FKBP1C: variants seen among roughly 807,000 people sequenced by gnomAD.
FKBP1C encodes peptidyl-prolyl cis-trans isomerase FKBP1C.
In FKBP1C, 7 loss-of-function variants were observed where a neutral mutation model predicts 7.1. The observed-to-expected ratio is 0.99, with a 90% CI of 0.56 to 1.86. The LOEUF (loss-of-function observed/expected upper bound fraction) is 1.86, where lower values mean the gene tolerates loss of function less well. FKBP1C is among the 40% of genes most tolerant of loss of function. The probability of loss-of-function intolerance (pLI) is 0.00; values close to 1 mark genes in which losing one functional copy is unlikely to be tolerated. For missense variants in FKBP1C, 159 were observed against 139.9 expected (o/e 1.14, Z -0.69); for synonymous variants, 56 against 51.2 (o/e 1.09, Z -0.40).
exon 1 of FKBP1C, chr6:63,211,546 C>G (rs746141523): frequency 1.7e-6 from 2 of 1,185,188 alleles, no homozygotes; most frequent in East Asian, 2.5e-5. Context: ...CGCTCGGCGT[C>G]GGCCGCCGCC....
exon 1 of FKBP1C, chr6:63,211,581 T>C: frequency 6.7e-7 from 1 of 1,498,794 alleles, no homozygotes; most frequent in South Asian, 1.1e-5. Context: ...GGAAACCATC[T>C]CCCCAGGAGA....
chr6:63,211,762 TG>T, the FKBP1C span: 6 of 1,613,892 alleles, frequency 3.7e-6, no homozygotes, highest in South Asian at 1.1e-5. Flanking sequence ...CAGATGAGTG[TG>T]GGTCAGAGAG....
rs953079446 is a variant in FKBP1C, at chr6:63,211,973, G to A, written c.*90G>A. 6 of 1,414,610 alleles carry A rather than the reference G, an allele frequency of 4.2e-6. No homozygotes were observed. In the African/African-American group the frequency reaches 8.4e-5, roughly 20 times the overall value. The allele number at this position is 1,414,610 out of a possible 1,614,324, so 87.6% of individuals were successfully genotyped here. A position where few individuals can be genotyped will look rare whatever the true frequency, so the allele number is the denominator to read the frequency against. On this transcript the variant is annotated 3_prime_UTR_variant, in exon 1 of 1. Coordinates refer to ENST00000370659, the Ensembl canonical transcript of FKBP1C. ...AGACGTGTGCACATAAATCCATATG[G>A]AGCTTTTCCTGATGTTCCACTCCAC...
rs144607988 is a variant in FKBP1C, at chr6:63,211,971, T to C, written c.*88T>C. ...CCAGACGTGTGCACATAAATCCATATGGAGCTTTTCCTGATGTTCCACTCC... is the reference window on the plus strand; with the variant it reads ...CCAGACGTGTGCACATAAATCCATACGGAGCTTTTCCTGATGTTCCACTCC... On this transcript the variant is annotated 3_prime_UTR_variant, in exon 1 of 1. Transcript: ENST00000370659. The C allele has an allele frequency of 1.8e-4, 262 of 1,422,984 alleles. 2 individuals carry two copies. In the Middle Eastern group the frequency reaches 2.2e-3, roughly 12 times the overall value. The allele number at this position is 1,422,984 out of a possible 1,614,324, so 88.1% of individuals were successfully genotyped here. A position where few individuals can be genotyped will look rare whatever the true frequency, so the allele number is the denominator to read the frequency against.
At chr6:63,212,005 T>C in exon 1 of FKBP1C, 6 of 1,164,344 alleles carry the variant, frequency 5.2e-6, no homozygotes, top group Middle Eastern at 2.8e-4. Flanking sequence ...CCACTTTGTA[T>C]AGACATCTGC....
At chr6:63,211,809 G>A (rs1561983968) in exon 1 of FKBP1C, 3 of 1,613,608 alleles carry the variant, frequency 1.9e-6, no homozygotes, top group South Asian at 2.2e-5. Context: ...TGCCTATGGT[G>A]CCACTGGGCA....
chr6:63,211,545 T>G, exon 1 of FKBP1C: 1 of 1,171,850 alleles, frequency 8.5e-7, no homozygotes, highest in Non-Finnish European at 1.3e-6. Context: ...CCGCTCGGCG[T>G]CGGCCGCCGC....
At chr6:63,212,295 T>C (rs746254274) in exon 1 of FKBP1C, 4 of 245,230 alleles carry the variant, frequency 1.6e-5, no homozygotes, top group Non-Finnish European at 3.4e-5. Context: ...ATTTTTTGGA[T>C]GAAATTTTTA....
exon 1 of FKBP1C, chr6:63,212,121 C>G (rs1766114070): frequency 9.9e-6 from 6 of 605,806 alleles, no homozygotes; most frequent in Non-Finnish European, 1.8e-5. Context: ...CCATAAACGT[C>G]AAGTTATTCA....
chr6:63,212,510 G>A (rs1173961933), exon 1 of FKBP1C: 1 of 137,804 alleles, frequency 7.3e-6, no homozygotes, highest in African/African-American at 3.1e-5. Flanking sequence ...GCCTTTGAAA[G>A]CAGGTCATGT....
chr6:63,211,506 C>T (rs1365658545), exon 1 of FKBP1C: 2 of 708,960 alleles, frequency 2.8e-6, no homozygotes, highest in East Asian at 2.7e-5. Flanking sequence ...AGGTCGCTGT[C>T]GGTCCACGCC....
chr6:63,211,470 C>G, exon 1 of FKBP1C: 1 of 619,840 alleles, frequency 1.6e-6, no homozygotes, highest in South Asian at 1.9e-5. Flanking sequence ...CGCTGAGGGA[C>G]TAGGCAGAGC....
exon 1 of FKBP1C, chr6:63,211,479 G>T: frequency 1.6e-6 from 1 of 636,454 alleles, no homozygotes; most frequent in Non-Finnish European, 2.9e-6. Context: ...ACTAGGCAGA[G>T]CCGTGGAACC....
chr6:63,211,489 C>G (rs767660026), exon 1 of FKBP1C: 1 of 650,434 alleles, frequency 1.5e-6, no homozygotes. Flanking sequence ...GCCGTGGAAC[C>G]GCCGCCAGGT....
chr6:63,211,937 CTGGTG>C, exon 1 of FKBP1C: 3 of 1,588,526 alleles, frequency 1.9e-6, no homozygotes, highest in Non-Finnish European at 2.6e-6. Context: ...ATGGAGGGAT[CTGGTG>C]CCTCCAGACG....
exon 1 of FKBP1C, chr6:63,211,710 G>A (rs2127363972): frequency 6.2e-7 from 1 of 1,614,054 alleles, no homozygotes; most frequent in South Asian, 1.1e-5. Context: ...GTTTATGCTA[G>A]GCAAGCAGGA....
chr6:63,211,557 A>G, exon 1 of FKBP1C: 2 of 1,295,002 alleles, frequency 1.5e-6, no homozygotes, highest in East Asian at 2.4e-5. Flanking sequence ...GGCCGCCGCC[A>G]TGGGAGTGCA....
At chr6:63,212,309 A>C in exon 1 of FKBP1C, 1 of 226,320 alleles carries the variant, frequency 4.4e-6, no homozygotes, top group Non-Finnish European at 9.5e-6. Context: ...ATTTTTATCT[A>C]TTATATATTA....
At chr6:63,212,098 C>T in exon 1 of FKBP1C, 4 of 629,194 alleles carry the variant, frequency 6.4e-6, no homozygotes, top group Non-Finnish European at 1.1e-5. Flanking sequence ...TGTGCGTTTA[C>T]CTAAACTATA....
Sources: gnomAD v4.1 joint callset for allele counts on GRCh38, gnomAD v4.1.1 for gene constraint, MANE v1.5 for transcripts, NCBI Gene and HGNC (gene_info 2026-07-23, HGNC 2026-07-21) for gene names.